The following CFAP47 variants were observed in gnomAD, a reference collection of about 807,000 sequenced individuals.
The protein encoded by CFAP47 is cilia- and flagella-associated protein 47.
Under a neutral mutation model 148.1 loss-of-function variants are expected in CFAP47, and 29 were observed. That is an observed-to-expected ratio of 0.20 (90% CI 0.15 to 0.27). The LOEUF (loss-of-function observed/expected upper bound fraction) is 0.27, where lower values mean the gene tolerates loss of function less well. Ranked by LOEUF, CFAP47 falls within the 10% of genes least tolerant of loss-of-function variation. The pLI is 1.00. For missense variants in CFAP47, 1,872 were observed against 1,697.5 expected (o/e 1.10, Z -1.81); for synonymous variants, 664 against 577.3 (o/e 1.15, Z -2.15).
chrX:36,221,121 A>G (rs1159176209), intron 45 of CFAP47, among the ~76,000 whole-genome samples: 8 of 111,908 alleles, frequency 7.1e-5, no homozygotes, highest in African/African-American at 2.6e-4. Flanking sequence ...GAGAATTGGG[A>G]TCCAAGAACA....
chrX:36,052,064 C>T (rs1937522122), intron 26 of CFAP47, among the ~76,000 whole-genome samples: 1 of 111,663 alleles, frequency 9.0e-6, no homozygotes, highest in Non-Finnish European at 1.9e-5. Flanking sequence ...ACTGTGAGTC[C>T]ATTAAACCTC....
chrX:36,175,713 C>G (rs756704564), intron 39 of CFAP47, among the ~76,000 whole-genome samples: 7 of 112,355 alleles, frequency 6.2e-5, no homozygotes, highest in Non-Finnish European at 1.1e-4. Context: ...AGCTGTCAGA[C>G]AGGGACATTT....
chrX:36,011,265 T>C (rs1377387116), intron 21 of CFAP47, among the ~76,000 whole-genome samples: 2 of 111,890 alleles, frequency 1.8e-5, no homozygotes, highest in Non-Finnish European at 3.8e-5. Context: ...GAGGCACTTC[T>C]TCAGCAGTTA....
intron 48 of CFAP47, among the ~76,000 whole-genome samples, chrX:36,242,958 C>T (rs183251581): frequency 2.2e-4 from 24 of 111,568 alleles, no homozygotes; most frequent in African/African-American, 7.2e-4. Context: ...GAAAGGACAC[C>T]TGATCGTCTA....
Position 35,967,440 on chromosome X carries a change from T to C in CFAP47, c.1601-179T>C, listed in dbSNP as rs761526390. 8.1e-5 allele frequency among the ~76,000 whole-genome samples: 9 copies of C among 111,261 alleles called. 1 individual carries two copies. The South Asian group carries it at 3.0e-3, about 36-fold the overall frequency. Reference sequence around the variant, plus strand: ...ATGCATTTTTATTATTCATATTTTATTATTTTGCTAAAATTGTGTAGGTCT... The same window carrying C: ...ATGCATTTTTATTATTCATATTTTACTATTTTGCTAAAATTGTGTAGGTCT... On this transcript the variant is annotated intron_variant, in intron 9 of 63. Coordinates refer to ENST00000378653, the MANE Select transcript of CFAP47 (RefSeq NM_001304548.2).
intron 3 of CFAP47, among the ~76,000 whole-genome samples, chrX:35,946,919 A>G (rs1936092531): frequency 8.9e-6 from 1 of 111,858 alleles, no homozygotes; most frequent in African/African-American, 3.3e-5. Context: ...GATTTCAAGG[A>G]CCACATGCTG....
At position 36,050,927 on chromosome X, in the gene CFAP47, T is replaced by C. The variant is rs750613478; in HGVS notation, c.4217+3864T>C. 3.6e-5 allele frequency among the ~76,000 whole-genome samples: 4 copies of C among 112,461 alleles called. No individual in the cohort carries two copies. The East Asian group carries it at 1.1e-3, about 32-fold the overall frequency. On this transcript the variant is annotated intron_variant, in intron 26 of 63. Transcript: ENST00000378653. ...TGGCTAAAAGGGGTCAAGGTATAGCTTAGGCCATGGCTTCAGAGGGTGCAA... is the reference window on the plus strand; with the variant it reads ...TGGCTAAAAGGGGTCAAGGTATAGCCTAGGCCATGGCTTCAGAGGGTGCAA...
chrX:36,304,538 C>T lies in CFAP47; in HGVS notation c.8082+578C>T, dbSNP rs782001741. Among the ~76,000 whole-genome samples, 62 of 111,030 alleles carry T rather than the reference C, an allele frequency of 5.6e-4. No individual in the cohort carries two copies. In the South Asian group the frequency reaches 0.02, roughly 35 times the overall value. On this transcript the variant is annotated intron_variant, in intron 54 of 63. Coordinates refer to ENST00000378653, the MANE Select transcript of CFAP47 (RefSeq NM_001304548.2). Reference sequence around the variant, plus strand: ...TTACTTCATTCTAATAAATTGGTTGCGTTTTCTTTCTCACCATTTTAGTAA... The same window carrying T: ...TTACTTCATTCTAATAAATTGGTTGTGTTTTCTTTCTCACCATTTTAGTAA...
chrX:36,083,469 C>T (rs959904808), intron 29 of CFAP47, among the ~76,000 whole-genome samples: 1 of 111,321 alleles, frequency 9.0e-6, no homozygotes, highest in Non-Finnish European at 1.9e-5. Flanking sequence ...TTCTGGGCAT[C>T]CTGCCCATTC....
intron 56 of CFAP47, among the ~76,000 whole-genome samples, chrX:36,314,455 C>T (rs1556010563): frequency 1.8e-5 from 2 of 111,129 alleles, no homozygotes; most frequent in African/African-American, 6.5e-5. Context: ...CAAAAACAGC[C>T]GATTGGTTAC....
intron 49 of CFAP47, among the ~76,000 whole-genome samples, chrX:36,257,434 T>G (rs1449508704): frequency 9.1e-6 from 1 of 109,494 alleles, no homozygotes; most frequent in African/African-American, 3.3e-5. Context: ...CTTTTTTTTT[T>G]TTTTAAATTG....
chrX:36,316,842 G>T (rs1369727241), intron 56 of CFAP47, among the ~76,000 whole-genome samples: 1 of 112,247 alleles, frequency 8.9e-6, no homozygotes, highest in Non-Finnish European at 1.9e-5. Context: ...CTAGAGTGCA[G>T]TGGCACGATC....
chrX:36,248,020 A>G (rs1316123781), intron 48 of CFAP47, among the ~76,000 whole-genome samples: 1 of 110,073 alleles, frequency 9.1e-6, no homozygotes, highest in African/African-American at 3.3e-5. Context: ...ATGACTTGAG[A>G]CATAAAATTA....
At chrX:35,923,977 G>A (rs1935638436) in intron 1 of CFAP47, among the ~76,000 whole-genome samples, 2 of 101,476 alleles carry the variant, frequency 2.0e-5, no homozygotes. Context: ...GTGTATGTAT[G>A]TGTATATATG....
At chrX:36,363,119 A>T (rs190739162) in intron 61 of CFAP47, among the ~76,000 whole-genome samples, 24 of 111,712 alleles carry the variant, frequency 2.1e-4, no homozygotes, top group Admixed American at 6.7e-4. Context: ...ATGATTGATA[A>T]ATTTCTGTGA....
At chrX:36,348,596 T>C (rs1162828172) in intron 58 of CFAP47, among the ~76,000 whole-genome samples, 1 of 111,112 alleles carries the variant, frequency 9.0e-6, no homozygotes, top group Non-Finnish European at 1.9e-5. Context: ...AAGGGACTCC[T>C]TTCTGACATG....
chrX:36,298,858 T>TA (rs1383309620), intron 51 of CFAP47, 119 bp from the exon 52 acceptor site: 16 of 416,884 alleles, frequency 3.8e-5, no homozygotes, highest in African/African-American at 3.0e-4. Flanking sequence ...TGTATCAAGG[T>TA]AAAAAAATAA....
At chrX:36,098,744 A>G in intron 30 of CFAP47, 49 bp from the exon 31 acceptor site, 1 of 618,350 alleles carries the variant, frequency 1.6e-6, no homozygotes, top group South Asian at 3.5e-5. Context: ...AATCATATAT[A>G]GAACATGTAT....
chrX:35,972,113 G>C, intron 13 of CFAP47, 148 bp downstream of exon 13: 1 of 420,254 alleles, frequency 2.4e-6, no homozygotes, highest in Non-Finnish European at 4.1e-6. Flanking sequence ...TAGTTATTAA[G>C]TATGACTGAG....
Sources: gnomAD v4.1 joint callset for allele counts (sites outside exome capture counted in the v4.1 genomes callset) on GRCh38, gnomAD v4.1.1 for gene constraint, MANE v1.5 for transcripts, NCBI Gene and HGNC (gene_info 2026-07-23, HGNC 2026-07-21) for gene names.